EXOC6: variants seen among roughly 807,000 people sequenced by gnomAD.
The protein encoded by EXOC6 is SEC15-like 1.
A neutral mutation model predicts 112.5 loss-of-function variants in EXOC6; 60 were observed. The ratio of observed to expected loss-of-function variants is 0.53; its 90% CI spans 0.43 to 0.66. The LOEUF (loss-of-function observed/expected upper bound fraction) is 0.66, where lower values mean the gene tolerates loss of function less well. Among genes scored for constraint, EXOC6 ranks in the 30% least tolerant of loss-of-function variants. The probability of loss-of-function intolerance (pLI) is 0.00; values close to 1 mark genes in which losing one functional copy is unlikely to be tolerated. For missense variants in EXOC6, 855 were observed against 957.1 expected (o/e 0.89, Z 1.41); for synonymous variants, 295 against 308.0 (o/e 0.96, Z 0.44).
intron 6 of EXOC6, among the ~76,000 whole-genome samples, chr10:92,915,408 A>C (rs555476172): frequency 6.6e-6 from 1 of 151,898 alleles, no homozygotes; most frequent in Admixed American, 6.6e-5. Context: ...AAACAAAAAA[A>C]CAAAGAAACA....
intron 20 of EXOC6, among the ~76,000 whole-genome samples, chr10:93,045,161 C>T (rs980903185): frequency 3.9e-5 from 6 of 152,176 alleles, no homozygotes; most frequent in East Asian, 3.8e-4. Context: ...CGTGAGCCAC[C>T]GTGCCTGGCC....
rs529436501 is a variant in EXOC6, at chr10:93,036,376, G to A, written c.2170-20548G>A. On this transcript the variant is annotated intron_variant, in intron 20 of 21. Transcript: ENST00000260762. The stretch of plus-strand genomic sequence containing the variant: ...ATGTAGTTATTTCCTTTTTGGGGGA[G>A]GTATGTTATAATTCACATTTTTCAT... Among the ~76,000 whole-genome samples, 6 of 152,138 alleles carry A rather than the reference G, an allele frequency of 3.9e-5. No individual in the cohort carries two copies. The East Asian group carries it at 1.2e-3, about 29-fold the overall frequency.
chr10:92,996,645 G>A (rs1260347429), intron 18 of EXOC6, among the ~76,000 whole-genome samples: 1 of 151,990 alleles, frequency 6.6e-6, no homozygotes, highest in Non-Finnish European at 1.5e-5. Flanking sequence ...AAGTGATGTA[G>A]TTTTGTGAGT....
intron 17 of EXOC6, among the ~76,000 whole-genome samples, chr10:92,969,523 T>A (rs890947386): frequency 6.6e-6 from 1 of 152,138 alleles, no homozygotes; most frequent in South Asian, 2.1e-4. Context: ...CATAAATACT[T>A]CTTCTAGATT....
intron 21 of EXOC6, among the ~76,000 whole-genome samples, chr10:93,057,986 T>C (rs186310163): frequency 0.011 from 1,748 of 152,286 alleles, 58 homozygotes; most frequent in Admixed American, 0.065. Flanking sequence ...CCTAGCATAT[T>C]TTAGATGTAC....
intron 4 of EXOC6, among the ~76,000 whole-genome samples, chr10:92,895,539 T>A (rs1182948396): frequency 1.3e-5 from 2 of 152,184 alleles, no homozygotes; most frequent in African/African-American, 4.8e-5. Context: ...AAACGCTGTT[T>A]CTGGTCTCTT....
intron 1 of EXOC6, among the ~76,000 whole-genome samples, chr10:92,841,695 T>A (rs2422060): frequency 0.42 from 63,353 of 151,986 alleles, 13,837 homozygotes; most frequent in African/African-American, 0.53. Flanking sequence ...AACATTTTTA[T>A]GTTTAGGAGC....
chr10:92,831,507 C>T, upstream of EXOC6: 1 of 329,576 alleles, frequency 3.0e-6, no homozygotes, highest in Non-Finnish European at 5.4e-6. Flanking sequence ...GATCTCGGCT[C>T]ACTGCAACCT....
upstream of EXOC6, among the ~76,000 whole-genome samples, chr10:92,833,279 A>G (rs138332956): frequency 2.0e-5 from 3 of 152,346 alleles, no homozygotes; most frequent in Admixed American, 2.0e-4. Flanking sequence ...TGCTGCAGCT[A>G]GATGAAAATA....
intron 1 of EXOC6, among the ~76,000 whole-genome samples, chr10:92,858,163 G>A (rs1479087673): frequency 2.0e-5 from 3 of 151,804 alleles, no homozygotes; most frequent in Admixed American, 6.6e-5. Flanking sequence ...AGGATTTTCC[G>A]TTTGTCTCTC....
At chr10:93,057,750 G>A (rs1846614275) in intron 21 of EXOC6, among the ~76,000 whole-genome samples, 1 of 151,982 alleles carries the variant, frequency 6.6e-6, no homozygotes, top group Non-Finnish European at 1.5e-5. Context: ...AATATTTGTG[G>A]TGTATTTGAT....
At chr10:92,909,020 A>G (rs901110023) in intron 5 of EXOC6, among the ~76,000 whole-genome samples, 25 of 152,144 alleles carry the variant, frequency 1.6e-4, no homozygotes, top group African/African-American at 5.6e-4. Context: ...TATTCATGTT[A>G]TGTAATTTTT....
intron 20 of EXOC6, among the ~76,000 whole-genome samples, chr10:93,034,165 T>C (rs1305777018): frequency 6.6e-6 from 1 of 152,162 alleles, no homozygotes; most frequent in Non-Finnish European, 1.5e-5. Context: ...ATTGCTAAAG[T>C]TAGGAATTAT....
intron 17 of EXOC6, among the ~76,000 whole-genome samples, chr10:92,963,613 G>A (rs7914449): frequency 2.0e-5 from 3 of 149,182 alleles, no homozygotes; most frequent in Non-Finnish European, 3.0e-5. Context: ...TCAGGCTTCC[G>A]AGTAGCTGGG....
chr10:93,053,984 T>G (rs550917521), intron 20 of EXOC6, among the ~76,000 whole-genome samples: 1 of 152,254 alleles, frequency 6.6e-6, no homozygotes, highest in Non-Finnish European at 1.5e-5. Context: ...CCATTGGATC[T>G]TCAGTCATTG....
intron 4 of EXOC6, among the ~76,000 whole-genome samples, chr10:92,896,195 T>A (rs1237865595): frequency 0.052 from 1,123 of 21,726 alleles, 59 homozygotes; most frequent in Non-Finnish European, 0.065. Flanking sequence ...TTTTTTTTTT[T>A]TTTTTTTTTT....
At chr10:93,055,349 T>C (rs1846488466) in intron 20 of EXOC6, among the ~76,000 whole-genome samples, 1 of 152,226 alleles carries the variant, frequency 6.6e-6, no homozygotes, top group Non-Finnish European at 1.5e-5. Context: ...AGATTTAGGC[T>C]ATTTTCAGTT....
At chr10:92,936,385 T>G (rs1010350515) in intron 12 of EXOC6, among the ~76,000 whole-genome samples, 6 of 152,250 alleles carry the variant, frequency 3.9e-5, no homozygotes, top group Non-Finnish European at 8.8e-5. Context: ...ATACTTTGTA[T>G]GAAAACACAT....
chr10:92,841,575 C>G (rs1434949772), intron 1 of EXOC6, among the ~76,000 whole-genome samples: 2 of 152,136 alleles, frequency 1.3e-5, no homozygotes, highest in East Asian at 3.8e-4. Context: ...CTCCAAAAAG[C>G]CTGGAATGTC....
Sources: gnomAD v4.1 joint callset for allele counts (sites outside exome capture counted in the v4.1 genomes callset) on GRCh38, gnomAD v4.1.1 for gene constraint, MANE v1.5 for transcripts, NCBI Gene and HGNC (gene_info 2026-07-23, HGNC 2026-07-21) for gene names.